Variants in NAALADL2 observed in about 807,000 individuals in gnomAD.
NAALADL2 encodes the protein inactive N-acetylated-alpha-linked acidic dipeptidase-like protein 2.
Under a neutral mutation model 87.2 loss-of-function variants are expected in NAALADL2, and 76 were observed. The observed-to-expected ratio is 0.87, with a 90% CI of 0.72 to 1.05. NAALADL2 has a LOEUF of 1.05. Ranked by LOEUF, NAALADL2 falls within the 50% of genes least tolerant of loss-of-function variation. The pLI, the probability that NAALADL2 is intolerant of heterozygous loss-of-function variation, is 0.00. For synonymous variants in NAALADL2, 354 were observed against 331.0 expected, an observed-to-expected ratio of 1.07 and a Z score of -0.75; for missense variants, 1,089 against 945.8, an observed-to-expected ratio of 1.15 and a Z score of -1.99.
chr3:175,346,185 G>A (rs960939228), intron 5 of NAALADL2, among the ~76,000 whole-genome samples: 6 of 151,830 alleles, frequency 4.0e-5, no homozygotes, highest in African/African-American at 1.5e-4. Context: ...AATTCAAACA[G>A]TATACAAAAA....
At chr3:175,355,068 ATTTTTTCT>A (rs1764214159) in intron 5 of NAALADL2, among the ~76,000 whole-genome samples, 1 of 137,888 alleles carries the variant, frequency 7.3e-6, no homozygotes, top group Non-Finnish European at 1.6e-5. Context: ...GTATACATAT[ATTTTTTCT>A]TTTTTTCTTT....
intron 1 of NAALADL2, among the ~76,000 whole-genome samples, chr3:175,071,998 C>A (rs1374678436): frequency 6.6e-6 from 1 of 151,906 alleles, no homozygotes; most frequent in African/African-American, 2.4e-5. Flanking sequence ...TTCACATATT[C>A]TTTTTTCCCT....
In NAALADL2 at chr3:175,297,955, G is replaced by A. The variant is rs547037099; in HGVS notation, c.940-26220G>A. Among the ~76,000 whole-genome samples the A allele has an allele frequency of 1.7e-4, 26 of 152,206 alleles. No individual in the cohort carries two copies. In the South Asian group the frequency reaches 2.5e-3, roughly 15 times the overall value. On this transcript the variant is annotated intron_variant, in intron 4 of 13. Transcript: ENST00000454872. Reference sequence around the variant, plus strand: ...AATACATTGTCTCCCATTGAAAAGTGGCTGAAAGGAGTTGCATATTCATAT... The same window carrying A: ...AATACATTGTCTCCCATTGAAAAGTAGCTGAAAGGAGTTGCATATTCATAT...
chr3:175,286,593 T>A (rs991640309), intron 4 of NAALADL2, among the ~76,000 whole-genome samples: 2 of 152,182 alleles, frequency 1.3e-5, no homozygotes, highest in African/African-American at 4.8e-5. Context: ...ATAATACCTA[T>A]GGATCGACTT....
intron 13 of NAALADL2, among the ~76,000 whole-genome samples, chr3:175,776,079 T>C (rs1024346203): frequency 1.3e-5 from 2 of 152,084 alleles, no homozygotes; most frequent in African/African-American, 4.8e-5. Flanking sequence ...TCCTACCTTA[T>C]GGCCTTGCTC....
intron 2 of NAALADL2, among the ~76,000 whole-genome samples, chr3:174,616,782 AATGTAATATAACAGTTAG>A (rs1720503035): frequency 6.6e-6 from 1 of 151,876 alleles, no homozygotes; most frequent in Non-Finnish European, 1.5e-5. Flanking sequence ...CAGATATTTG[AATGTAATATAACAGTTAG>A]ATGTTCTTTA....
At chr3:174,511,117 C>A (rs1391445868) in intron 1 of NAALADL2, among the ~76,000 whole-genome samples, 2 of 151,818 alleles carry the variant, frequency 1.3e-5, no homozygotes, top group East Asian at 3.9e-4. Context: ...GAACGTGATC[C>A]ATCTTGGTGA....
At chr3:175,591,409 T>C (rs899655421) in intron 10 of NAALADL2, among the ~76,000 whole-genome samples, 3 of 151,974 alleles carry the variant, frequency 2.0e-5, no homozygotes, top group Admixed American at 6.6e-5. Context: ...GGGGAAAAAA[T>C]GGAAAGGAAC....
intron 1 of NAALADL2, among the ~76,000 whole-genome samples, chr3:174,496,819 C>T (rs1718569004): frequency 6.6e-6 from 1 of 152,052 alleles, no homozygotes; most frequent in South Asian, 2.1e-4. Context: ...TTGTGGAACT[C>T]CTTGTGGGGT....
chr3:175,488,901 A>G (rs1427891752), intron 9 of NAALADL2, among the ~76,000 whole-genome samples: 1 of 152,210 alleles, frequency 6.6e-6, no homozygotes, highest in Non-Finnish European at 1.5e-5. Flanking sequence ...TAAAAAGCCA[A>G]TCTGAATAGC....
At chr3:175,294,582 C>T (rs1045154879) in intron 4 of NAALADL2, among the ~76,000 whole-genome samples, 3 of 152,174 alleles carry the variant, frequency 2.0e-5, no homozygotes, top group African/African-American at 7.2e-5. Context: ...TGCCCAAGAT[C>T]ACGTAGCTTG....
At chr3:174,512,169 G>A (rs1055408384) in intron 1 of NAALADL2, among the ~76,000 whole-genome samples, 2 of 151,930 alleles carry the variant, frequency 1.3e-5, no homozygotes, top group East Asian at 1.9e-4. Context: ...ATAATTTTTC[G>A]AGTTTTTGTC....
rs141295452 is a variant in NAALADL2, at chr3:175,140,298, C to G, written c.545+43007C>G. On this transcript the variant is annotated intron_variant, in intron 2 of 13. Transcript: ENST00000454872. ...ATCCATTTAAATAAACACTGAGTACCCATTAGATGTCAGGTATTCAGGTGG... is the reference window on the plus strand; with the variant it reads ...ATCCATTTAAATAAACACTGAGTACGCATTAGATGTCAGGTATTCAGGTGG... Among the ~76,000 whole-genome samples the G allele has an allele frequency of 2.7e-4, 41 of 152,048 alleles. No homozygotes were observed. The East Asian group carries it at 7.4e-3, about 27-fold the overall frequency.
At chr3:174,929,145 G>A (rs1352252776) in intron 1 of NAALADL2, among the ~76,000 whole-genome samples, 1 of 152,206 alleles carries the variant, frequency 6.6e-6, no homozygotes, top group East Asian at 1.9e-4. Context: ...GAGGGGCACA[G>A]TTTATGCCAA....
Position 174,656,843 on chromosome 3 carries a change from A to G in NAALADL2, c.-114-80798A>G, listed in dbSNP as rs149417406. ...CATCACCTAGCTTCCATAATTATCA[A>G]CATAAATAAGGCCGGTCTGTTTCAT... On this transcript the variant is annotated intron_variant, in intron 2 of 3. Coordinates refer to the NAALADL2 transcript ENST00000434257. 1.1e-4 allele frequency among the ~76,000 whole-genome samples: 17 copies of G among 152,152 alleles called. No individual in the cohort carries two copies. In the East Asian group the frequency reaches 1.9e-3, roughly 17 times the overall value.
intron 1 of NAALADL2, among the ~76,000 whole-genome samples, chr3:174,993,956 G>T (rs1276219980): frequency 6.6e-6 from 1 of 152,128 alleles, no homozygotes; most frequent in Non-Finnish European, 1.5e-5. Flanking sequence ...CATTCTCCCT[G>T]TGTGTCTATG....
chr3:175,034,129 C>T (rs183446059), intron 1 of NAALADL2, among the ~76,000 whole-genome samples: 74 of 152,162 alleles, frequency 4.9e-4, no homozygotes, highest in Non-Finnish European at 9.6e-4. Context: ...TTTTCCTTTT[C>T]AAGTATGTTT....
chr3:174,667,620 G>A (rs1028709982), intron 2 of NAALADL2, among the ~76,000 whole-genome samples: 10 of 146,656 alleles, frequency 6.8e-5, no homozygotes, highest in Non-Finnish European at 1.2e-4. Context: ...GTGAGTGAGA[G>A]TTTTATAGTG....
intron 1 of NAALADL2, among the ~76,000 whole-genome samples, chr3:175,017,381 G>A (rs1023963225): frequency 6.6e-6 from 1 of 152,084 alleles, no homozygotes; most frequent in Non-Finnish European, 1.5e-5. Context: ...GAGATAATTT[G>A]CTGAAGGTTG....
Sources: allele counts gnomAD v4.1 joint callset (sites outside exome capture counted in the v4.1 genomes callset), GRCh38; gene constraint gnomAD v4.1.1; transcripts MANE v1.5; gene names NCBI Gene and HGNC (gene_info 2026-07-23, HGNC 2026-07-21).